PCDH15: variants seen among roughly 807,000 people sequenced by gnomAD.
The protein encoded by PCDH15 is protocadherin-15.
PCDH15 carries 129 observed loss-of-function variants against 178.5 expected under a neutral mutation model. That is an observed-to-expected ratio of 0.72 (90% CI 0.63 to 0.84). The LOEUF is 0.84. Among genes scored for constraint, PCDH15 ranks in the 40% least tolerant of loss-of-function variants. The pLI is 0.00. For missense variants in PCDH15, 2,230 were observed against 2,099.9 expected (o/e 1.06, Z -1.21); for synonymous variants, 800 against 732.0 (o/e 1.09, Z -1.50).
At chr10:54,702,454 A>G (rs1470855451) in intron 1 of PCDH15, among the ~76,000 whole-genome samples, 1 of 151,052 alleles carries the variant, frequency 6.6e-6, no homozygotes, top group Admixed American at 6.6e-5. Context: ...AATAAATAAG[A>G]TTGATAAGTA....
chr10:54,338,343 T>A (rs1016947665), intron 6 of PCDH15, among the ~76,000 whole-genome samples: 10 of 152,340 alleles, frequency 6.6e-5, no homozygotes, highest in Admixed American at 6.5e-4. Context: ...TTTAGTAACC[T>A]ACCTAGGAAT....
chr10:54,598,295 C>G (rs189370928), intron 2 of PCDH15, among the ~76,000 whole-genome samples: 2 of 152,140 alleles, frequency 1.3e-5, no homozygotes, highest in East Asian at 3.9e-4. Flanking sequence ...TATTCTTTAT[C>G]CCTGGGATGC....
chr10:55,096,851 A>C (rs531118324), intron 2 of PCDH15, among the ~76,000 whole-genome samples: 1 of 152,250 alleles, frequency 6.6e-6, no homozygotes, highest in South Asian at 2.1e-4. Flanking sequence ...AACTTTTAAA[A>C]AACAATATAG....
chr10:54,554,707 C>T (rs1349875006), intron 2 of PCDH15, among the ~76,000 whole-genome samples: 1 of 152,136 alleles, frequency 6.6e-6, no homozygotes, highest in Non-Finnish European at 1.5e-5. Flanking sequence ...TTGAGACAGA[C>T]AGGACCTAAA....
chr10:55,178,576 C>A (rs1839556952), intron 1 of PCDH15, among the ~76,000 whole-genome samples: 2 of 152,092 alleles, frequency 1.3e-5, no homozygotes, highest in South Asian at 2.1e-4. Flanking sequence ...CTTCTTTCTA[C>A]TTCTTCAGCA....
At chr10:54,873,734 ATATG>A (rs1954083421) in intron 3 of PCDH15, among the ~76,000 whole-genome samples, 1 of 146,660 alleles carries the variant, frequency 6.8e-6, no homozygotes, top group Non-Finnish European at 1.5e-5. Context: ...GTGTATGTAT[ATATG>A]TATGTATGTG....
At chr10:54,322,105 G>GA (rs1303972910) in intron 7 of PCDH15, among the ~76,000 whole-genome samples, 2 of 151,600 alleles carry the variant, frequency 1.3e-5, no homozygotes, top group African/African-American at 2.4e-5. Flanking sequence ...AACAAAAACA[G>GA]AAAAAACAAA....
intron 2 of PCDH15, among the ~76,000 whole-genome samples, chr10:55,497,262 T>A (rs1037105507): frequency 6.6e-6 from 1 of 151,586 alleles, no homozygotes; most frequent in Non-Finnish European, 1.5e-5. Context: ...CCTGAGTAGC[T>A]AGGACTACAG....
chr10:54,456,933 A>G (rs1191310123), intron 3 of PCDH15, among the ~76,000 whole-genome samples: 5 of 152,052 alleles, frequency 3.3e-5, no homozygotes, highest in Non-Finnish European at 7.4e-5. Context: ...TTCTGACATG[A>G]TTGTAAGCTT....
At chr10:53,881,917 C>G (rs1589231065) in intron 26 of PCDH15, among the ~76,000 whole-genome samples, 1 of 151,464 alleles carries the variant, frequency 6.6e-6, no homozygotes, top group South Asian at 2.1e-4. Context: ...ATTTACTATA[C>G]AGGATGATTA....
intron 9 of PCDH15, among the ~76,000 whole-genome samples, chr10:54,221,248 T>G (rs989509224): frequency 2.0e-5 from 3 of 152,194 alleles, no homozygotes; most frequent in Admixed American, 6.5e-5. Flanking sequence ...TTTTTATATA[T>G]GCTAAGAAAA....
At chr10:55,518,621 T>C (rs902527008) in intron 2 of PCDH15, among the ~76,000 whole-genome samples, 3 of 152,026 alleles carry the variant, frequency 2.0e-5, no homozygotes, top group African/African-American at 7.2e-5. Context: ...AATAAACACA[T>C]GCCTTTCCCT....
At chr10:55,594,358 T>C (rs1842901491) in intron 2 of PCDH15, among the ~76,000 whole-genome samples, 1 of 151,966 alleles carries the variant, frequency 6.6e-6, no homozygotes, top group Non-Finnish European at 1.5e-5. Context: ...TCAAAATTTT[T>C]TTGAGGTTAA....
intron 8 of PCDH15, among the ~76,000 whole-genome samples, chr10:54,306,708 C>G (rs1334840260): frequency 1.3e-5 from 2 of 151,648 alleles, no homozygotes; most frequent in Non-Finnish European, 2.9e-5. Context: ...ATCCCAGGCT[C>G]CATTCCCTCT....
Position 54,756,781 on chromosome 10 carries a change from T to A in PCDH15, c.-29+44144A>T, listed in dbSNP as rs186826216. ...TTCCTTTATAAATTCTGGCTTTGCC[T>A]TGCCTTAGAACAGGACAACAGACTT... is the stretch of plus-strand genomic sequence containing the variant. On this transcript the variant is annotated intron_variant, in intron 1 of 37. Coordinates refer to ENST00000644397, the MANE Select transcript of PCDH15 (RefSeq NM_001384140.1). 2.6e-5 allele frequency among the ~76,000 whole-genome samples: 4 copies of A among 152,328 alleles called. No individual in the cohort carries two copies. In the East Asian group the frequency reaches 5.8e-4, roughly 22 times the overall value.
At chr10:53,919,747 A>G (rs2083844162) in intron 25 of PCDH15, among the ~76,000 whole-genome samples, 1 of 152,178 alleles carries the variant, frequency 6.6e-6, no homozygotes. Flanking sequence ...AGTGGGGAGC[A>G]AGGCGGTTTA....
intron 1 of PCDH15, among the ~76,000 whole-genome samples, chr10:54,796,276 A>ATCTATCTATCTATCTG (rs1554796306): frequency 2.4e-5 from 2 of 84,550 alleles, no homozygotes; most frequent in Admixed American, 1.1e-4. Context: ...CTATCTATGT[A>ATCTATCTATCTATCTG]TCTATGTATC....
At chr10:54,019,573 C>G (rs2135273651) in intron 20 of PCDH15, among the ~76,000 whole-genome samples, 1 of 152,158 alleles carries the variant, frequency 6.6e-6, no homozygotes, top group East Asian at 1.9e-4. Flanking sequence ...CTACTTTTGT[C>G]TCTTAAAAAT....
chr10:54,905,622 T>C (rs1182147736), intron 2 of PCDH15, among the ~76,000 whole-genome samples: 1 of 152,132 alleles, frequency 6.6e-6, no homozygotes, highest in African/African-American at 2.4e-5. Flanking sequence ...ATAGGAAGCC[T>C]GAGAAGGTAA....
Sources: allele counts gnomAD v4.1 joint callset (sites outside exome capture counted in the v4.1 genomes callset), GRCh38; gene constraint gnomAD v4.1.1; transcripts MANE v1.5; gene names NCBI Gene and HGNC (gene_info 2026-07-23, HGNC 2026-07-21).